PGRMC2: variants seen among roughly 807,000 people sequenced by gnomAD.
PGRMC2 encodes progesterone receptor membrane component 2, also known as membrane-associated progesterone receptor component 2.
Under a neutral mutation model 19.3 loss-of-function variants are expected in PGRMC2, and 9 were observed. The observed-to-expected ratio is 0.47, with a 90% confidence interval of 0.28 to 0.81. PGRMC2 has a LOEUF of 0.81. Ranked by LOEUF, PGRMC2 falls within the 40% of genes least tolerant of loss-of-function variation. The pLI is 0.11. For synonymous variants in PGRMC2, 157 were observed against 124.6 expected (o/e 1.26, Z -1.73); for missense variants, 289 against 297.3 (o/e 0.97, Z 0.21).
intron 1 of PGRMC2, among the ~76,000 whole-genome samples, chr4:128,286,299 T>G (rs910392376): frequency 1.7e-4 from 26 of 152,050 alleles, no homozygotes; most frequent in African/African-American, 6.3e-4. Context: ...ACAACCAGGA[T>G]GCACAATGTT....
At chr4:128,273,145 A>T (rs1197038678) in intron 1 of PGRMC2, 1 of 152,206 alleles carries the variant, frequency 6.6e-6, no homozygotes, top group East Asian at 1.9e-4. Context: ...TGACTACCAT[A>T]ATATATATAC....
chr4:128,273,917 G>C (rs1760768624), intron 1 of PGRMC2, among the ~76,000 whole-genome samples: 1 of 152,190 alleles, frequency 6.6e-6, no homozygotes, highest in Admixed American at 6.5e-5. Context: ...CATAGGTATT[G>C]ATACAGTAAC....
At chr4:128,285,359 C>T (rs1760968998) in intron 1 of PGRMC2, among the ~76,000 whole-genome samples, 1 of 152,136 alleles carries the variant, frequency 6.6e-6, no homozygotes, top group Non-Finnish European at 1.5e-5. Context: ...GAACTCCTGA[C>T]CTCTGGTGAT....
intron 1 of PGRMC2, 94 bp downstream of exon 1, chr4:128,287,278 TG>T: frequency 7.0e-7 from 1 of 1,418,972 alleles, no homozygotes; most frequent in Non-Finnish European, 9.4e-7. Context: ...ACGAGAAGGC[TG>T]GGCAAACTAA....
chr4:128,285,000 T>G (rs1760962432), intron 1 of PGRMC2, among the ~76,000 whole-genome samples: 1 of 152,206 alleles, frequency 6.6e-6, no homozygotes, highest in Non-Finnish European at 1.5e-5. Context: ...TGTATATCAC[T>G]CTTAGGCTGT....
At chr4:128,282,925 T>C (rs1760929845) in intron 1 of PGRMC2, among the ~76,000 whole-genome samples, 1 of 152,248 alleles carries the variant, frequency 6.6e-6, no homozygotes, top group African/African-American at 2.4e-5. Context: ...GGGGTTCTTC[T>C]TACGTGACTT....
At chr4:128,276,984 G>GT (rs1309511800) in intron 1 of PGRMC2, among the ~76,000 whole-genome samples, 1 of 152,134 alleles carries the variant, frequency 6.6e-6, no homozygotes, top group Non-Finnish European at 1.5e-5. Flanking sequence ...GTGAAACCCA[G>GT]TATCTACTAA....
At chr4:128,281,869 A>C (rs1051963752) in intron 1 of PGRMC2, among the ~76,000 whole-genome samples, 1 of 152,214 alleles carries the variant, frequency 6.6e-6, no homozygotes, top group African/African-American at 2.4e-5. Context: ...GCATAGTAAC[A>C]ATCTCACTTC....
intron 1 of PGRMC2, among the ~76,000 whole-genome samples, chr4:128,280,352 G>GAAAAAA (rs747302016): frequency 1.7e-5 from 1 of 60,538 alleles, no homozygotes; most frequent in Non-Finnish European, 3.0e-5. Flanking sequence ...AAATTTTCTG[G>GAAAAAA]GAAAAAAAAA....
rs1304905525 is a variant in PGRMC2 at position 128,270,594 on chromosome 4, A to C, written c.*722T>G. 2 of 152,652 alleles carry C rather than the reference A, an allele frequency of 1.3e-5. No individual in the cohort carries two copies. The highest frequency in any genetic ancestry group is 1.3e-4 in the Admixed American group (2 of 15,276). The allele number at this position is 152,652 out of a possible 1,614,324, so 9.5% of individuals were successfully genotyped here. A position where few individuals can be genotyped will look rare whatever the true frequency, so the allele number is the denominator to read the frequency against. Reference sequence around the variant, plus strand: ...ATTCAAGTCTATGTTAAGTGAAATAAGGCACAATTAATATTGATTTGATTT... The same window carrying C: ...ATTCAAGTCTATGTTAAGTGAAATACGGCACAATTAATATTGATTTGATTT... On this transcript the variant is annotated 3_prime_UTR_variant, in exon 3 of 3. Coordinates refer to ENST00000296425, the MANE Select transcript of PGRMC2 (RefSeq NM_006320.6).
intron 1 of PGRMC2, among the ~76,000 whole-genome samples, chr4:128,279,199 ACT>A (rs1418803964): frequency 6.6e-6 from 1 of 151,872 alleles, no homozygotes; most frequent in Non-Finnish European, 1.5e-5. Context: ...CAAGAGTGAA[ACT>A]CTGTCTCAAA....
chr4:128,280,594 G>T (rs1441596374), intron 1 of PGRMC2, among the ~76,000 whole-genome samples: 1 of 151,980 alleles, frequency 6.6e-6, no homozygotes, highest in African/African-American at 2.4e-5. Context: ...CAAGAGTTGA[G>T]GTATAATAAG....
chr4:128,271,564 G>A, intron 2 of PGRMC2, 151 bp from the exon 3 acceptor site: 1 of 528,010 alleles, frequency 1.9e-6, no homozygotes, highest in Non-Finnish European at 3.3e-6. Flanking sequence ...CACCATGGCT[G>A]GTCTTTATAC....
intron 1 of PGRMC2, among the ~76,000 whole-genome samples, chr4:128,280,179 A>G (rs1454902402): frequency 3.3e-5 from 5 of 152,092 alleles, no homozygotes; most frequent in South Asian, 2.1e-4. Flanking sequence ...TAACAGATAC[A>G]GAAGCAGATT....
At position 128,269,686 on chromosome 4, in the gene PGRMC2, T is replaced by C. The variant is rs1375582215; in HGVS notation, c.*1630A>G. On this transcript the variant is annotated 3_prime_UTR_variant, in exon 3 of 3. Transcript: ENST00000296425. ...TGACCTGTTAAATAACATTGCCTTT[T>C]TAAGTGAACTTGTCCCCAGCCCGGA... The C allele has an allele frequency of 6.6e-6, 1 of 152,210 alleles. No individual in the cohort carries two copies. The highest frequency in any genetic ancestry group is 2.4e-5 in the African/African-American group (1 of 41,460). 9.4% of individuals were successfully genotyped at this position (152,210 alleles called of 1,614,324 possible). A position where few individuals can be genotyped will look rare whatever the true frequency, so the allele number is the denominator to read the frequency against.
chr4:128,275,472 G>C (rs934328453), intron 1 of PGRMC2, among the ~76,000 whole-genome samples: 1 of 152,118 alleles, frequency 6.6e-6, no homozygotes, highest in Non-Finnish European at 1.5e-5. Context: ...ACTGGGGGTA[G>C]GGAATGATTG....
In PGRMC2 at chr4:128,269,263, ACT is replaced by A. The variant is rs1294552143; in HGVS notation, c.*2051_*2052del. 5 of 152,092 alleles carry A rather than the reference ACT, an allele frequency of 3.3e-5. No homozygotes were observed. The highest frequency in any genetic ancestry group is 7.2e-5 in the African/African-American group (3 of 41,416). 9.4% of individuals were successfully genotyped at this position (152,092 alleles called of 1,614,324 possible). A position where few individuals can be genotyped will look rare whatever the true frequency, so the allele number is the denominator to read the frequency against. On this transcript the variant is annotated 3_prime_UTR_variant, in exon 3 of 3. Transcript: ENST00000296425. The stretch of plus-strand genomic sequence containing the variant: ...GAAGTTGAGGAATTATCTACAGAAC[ACT>A]GTTTATTTCAAGTCCAAAACACAAA...
intron 1 of PGRMC2, among the ~76,000 whole-genome samples, chr4:128,276,337 T>C (rs1385586399): frequency 6.8e-6 from 1 of 147,280 alleles, no homozygotes; most frequent in Non-Finnish European, 1.5e-5. Context: ...TATTTATTTG[T>C]ATTAGTATTT....
chr4:128,278,671 G>GT (rs1378486767), intron 1 of PGRMC2, among the ~76,000 whole-genome samples: 3 of 151,986 alleles, frequency 2.0e-5, no homozygotes, highest in Non-Finnish European at 4.4e-5. Flanking sequence ...TGAGACCACA[G>GT]AAGTACTAAA....
Sources: allele counts gnomAD v4.1 joint callset (sites outside exome capture counted in the v4.1 genomes callset), GRCh38; gene constraint gnomAD v4.1.1; transcripts MANE v1.5; gene names NCBI Gene and HGNC (gene_info 2026-07-23, HGNC 2026-07-21).